The following UNC5D variants were observed in gnomAD, a reference collection of about 807,000 sequenced individuals.
UNC5D encodes netrin receptor UNC5D.
In UNC5D, 39 loss-of-function variants were observed where a neutral mutation model predicts 105.4. The ratio of observed to expected loss-of-function variants is 0.37; its 90% CI spans 0.29 to 0.48. UNC5D has a LOEUF of 0.48. Ranked by LOEUF, UNC5D falls within the 20% of genes least tolerant of loss-of-function variation. The pLI, the probability that UNC5D is intolerant of heterozygous loss-of-function variation, is 0.98. For synonymous variants in UNC5D, 452 were observed against 450.4 expected, an observed-to-expected ratio of 1.00 and a Z score of -0.04; for missense variants, 991 against 1,202.4, an observed-to-expected ratio of 0.82 and a Z score of 2.60.
intron 7 of UNC5D, among the ~76,000 whole-genome samples, chr8:35,698,272 C>T (rs1826936083): frequency 6.8e-6 from 1 of 146,834 alleles, no homozygotes; most frequent in Non-Finnish European, 1.5e-5. Flanking sequence ...GTGGTGAGAA[C>T]ATTTAAGTCT....
At chr8:35,548,309 C>CA (rs1298664077) in intron 1 of UNC5D, among the ~76,000 whole-genome samples, 2 of 152,190 alleles carry the variant, frequency 1.3e-5, no homozygotes, top group East Asian at 3.9e-4. Context: ...TCAATGGGAA[C>CA]AACCATTTCT....
chr8:35,261,752 C>A (rs1804513996), intron 1 of UNC5D, among the ~76,000 whole-genome samples: 1 of 152,044 alleles, frequency 6.6e-6, no homozygotes, highest in African/African-American at 2.4e-5. Flanking sequence ...CTGATGAGAA[C>A]AATCTTAAGT....
intron 1 of UNC5D, among the ~76,000 whole-genome samples, chr8:35,471,763 G>A (rs745964532): frequency 5.9e-5 from 9 of 152,062 alleles, no homozygotes; most frequent in African/African-American, 1.9e-4. Flanking sequence ...TTACACAAAC[G>A]CATACTGGTA....
At chr8:35,299,304 G>A (rs148923332) in intron 1 of UNC5D, among the ~76,000 whole-genome samples, 9 of 152,298 alleles carry the variant, frequency 5.9e-5, no homozygotes, top group Admixed American at 2.0e-4. Flanking sequence ...GGAATGGCAG[G>A]TCCCCTGATA....
intron 1 of UNC5D, among the ~76,000 whole-genome samples, chr8:35,458,713 G>C (rs147123934): frequency 3.4e-4 from 52 of 152,258 alleles, no homozygotes; most frequent in African/African-American, 1.2e-3. Context: ...AACCATGCAA[G>C]TAACCTTTTT....
At chr8:35,698,084 T>C (rs1826914542) in intron 7 of UNC5D, among the ~76,000 whole-genome samples, 1 of 152,124 alleles carries the variant, frequency 6.6e-6, no homozygotes, top group African/African-American at 2.4e-5. Context: ...CACTTACAAA[T>C]AGGATTCCTT....
intron 6 of UNC5D, among the ~76,000 whole-genome samples, chr8:35,685,826 T>C (rs1825970094): frequency 6.6e-6 from 1 of 152,168 alleles, no homozygotes; most frequent in Admixed American, 6.5e-5. Flanking sequence ...TATAGTACCC[T>C]ATTCTTGATT....
At chr8:35,616,513 C>T (rs1246515010) in intron 4 of UNC5D, among the ~76,000 whole-genome samples, 2 of 152,130 alleles carry the variant, frequency 1.3e-5, no homozygotes, top group Non-Finnish European at 1.5e-5. Context: ...TTAACTCTCC[C>T]GATTTGATGG....
chr8:35,314,684 G>C (rs750751603), intron 1 of UNC5D, among the ~76,000 whole-genome samples: 21 of 152,164 alleles, frequency 1.4e-4, no homozygotes, highest in Non-Finnish European at 1.0e-4. Context: ...TTGTTTTGGA[G>C]AGTCAACTCT....
At chr8:35,598,371 A>C (rs1468554751) in intron 4 of UNC5D, among the ~76,000 whole-genome samples, 1 of 152,122 alleles carries the variant, frequency 6.6e-6, no homozygotes, top group African/African-American at 2.4e-5. Flanking sequence ...GCTCAAGGCT[A>C]TTTTCAGAAA....
intron 4 of UNC5D, among the ~76,000 whole-genome samples, chr8:35,668,295 C>T (rs1361426790): frequency 2.0e-5 from 3 of 152,046 alleles, no homozygotes; most frequent in African/African-American, 7.2e-5. Context: ...TTATATATTA[C>T]AGACCAGGCA....
At chr8:35,606,439 T>G (rs1248976485) in intron 4 of UNC5D, among the ~76,000 whole-genome samples, 3 of 152,232 alleles carry the variant, frequency 2.0e-5, no homozygotes, top group African/African-American at 7.2e-5. Flanking sequence ...AAATTTCATT[T>G]CAAGTTCAAG....
intron 1 of UNC5D, among the ~76,000 whole-genome samples, chr8:35,363,081 T>C (rs1801937475): frequency 1.3e-5 from 2 of 152,216 alleles, no homozygotes; most frequent in African/African-American, 4.8e-5. Flanking sequence ...TTTTTATATT[T>C]AATGACTTCA....
chr8:35,641,366 C>CAAAAAAAAAAAAAAAAAATAAAAA (rs1822707866), intron 4 of UNC5D, among the ~76,000 whole-genome samples: 1 of 44,286 alleles, frequency 2.3e-5, no homozygotes, highest in African/African-American at 8.5e-5. Flanking sequence ...AAAAATAAAG[C>CAAAAAAAAAAAAAAAAAATAAAAA]AAAAAAAAAA....
intron 1 of UNC5D, among the ~76,000 whole-genome samples, chr8:35,363,197 GT>G (rs1324941470): frequency 6.6e-6 from 1 of 152,114 alleles, no homozygotes; most frequent in Non-Finnish European, 1.5e-5. Context: ...AAAGGAAGAG[GT>G]TTAATTGGAC....
intron 1 of UNC5D, among the ~76,000 whole-genome samples, chr8:35,366,198 G>A (rs1183310020): frequency 6.6e-6 from 1 of 151,798 alleles, no homozygotes. Flanking sequence ...TTCTAAATCA[G>A]GCGTCTTGGA....
rs903911515 is a variant in UNC5D at position 35,323,182 on chromosome 8, C to G, written c.103+87295C>G. 2.2e-4 allele frequency among the ~76,000 whole-genome samples: 26 copies of G among 115,666 alleles called. No individual in the cohort carries two copies. In the Admixed American group the frequency reaches 2.4e-3, roughly 10 times the overall value. The allele number at this position is 115,666 out of a possible 152,430, so 75.9% of individuals were successfully genotyped here. A position where few individuals can be genotyped will look rare whatever the true frequency, so the allele number is the denominator to read the frequency against. The stretch of plus-strand genomic sequence containing the variant: ...GTTTTACTGTTTTTTTCTAATTTTT[C>G]TTTTTCTTTTTTTTTTTTTTTTTTT... On this transcript the variant is annotated intron_variant, in intron 1 of 16. Coordinates refer to ENST00000404895, the MANE Select transcript of UNC5D (RefSeq NM_080872.4).
chr8:35,491,532 TAAGATGAGAG>T (rs1811216640), intron 1 of UNC5D, among the ~76,000 whole-genome samples: 4 of 152,188 alleles, frequency 2.6e-5, no homozygotes. Context: ...GCCATTTACA[TAAGATGAGAG>T]ACTCCTGCAT....
At chr8:35,514,812 C>A (rs932003577) in intron 1 of UNC5D, among the ~76,000 whole-genome samples, 4 of 152,208 alleles carry the variant, frequency 2.6e-5, no homozygotes, top group Non-Finnish European at 5.9e-5. Flanking sequence ...CAAGTTATTG[C>A]ACATTCATTT....
Sources: allele counts gnomAD v4.1 joint callset (sites outside exome capture counted in the v4.1 genomes callset), GRCh38; gene constraint gnomAD v4.1.1; transcripts MANE v1.5; gene names NCBI Gene and HGNC (gene_info 2026-07-23, HGNC 2026-07-21).